MCM8: variants seen among roughly 807,000 people sequenced by gnomAD.
MCM8 encodes the protein minichromosome maintenance 8 homologous recombination repair factor, also known as DNA helicase MCM8.
A neutral mutation model predicts 98.9 loss-of-function variants in MCM8; 85 were observed. That is an observed-to-expected ratio of 0.86 (90% CI 0.72 to 1.03). The LOEUF is 1.03. Among genes scored for constraint, MCM8 ranks in the 50% least tolerant of loss-of-function variants. MCM8 has a pLI of 0.00. For missense variants in MCM8, 951 were observed against 997.8 expected, an observed-to-expected ratio of 0.95 and a Z score of 0.63; for synonymous variants, 352 against 338.6, an observed-to-expected ratio of 1.04 and a Z score of -0.44.
In MCM8 at chr20:5,993,507, A is replaced by G. The variant is rs1257966805; in HGVS notation, c.2242A>G (p.Met748Val). 3.3e-6 allele frequency: 5 copies of G among 1,523,158 alleles called. No homozygotes were observed. Among genetic ancestry groups the G allele is most frequent in the Non-Finnish European group, 4.4e-6 (5 of 1,126,858 alleles). 94.4% of individuals were successfully genotyped at this position (1,523,158 alleles called of 1,614,324 possible). ...ATTTTTTCTTCCTTTCTTTTTAAGC[A>G]TGCTAGGAACTTACTCTGATGAATT... ...EDIVEIMKYS[M>V]LGTYSDEFGN... The change falls in exon 18 of 19, where the codon ATG (methionine) becomes GTG (valine). Residue 748 changes from methionine (M) to valine (V), a missense_variant and splice_region_variant. Met to Val is a conservative substitution (Grantham distance 21). Transcript: ENST00000610722.
intron 12 of MCM8, among the ~76,000 whole-genome samples, chr20:5,977,234 A>G (rs2089530447): frequency 6.6e-6 from 1 of 152,222 alleles, no homozygotes; most frequent in East Asian, 1.9e-4. Flanking sequence ...TTGGGCACTT[A>G]TGTGCCAGGT....
rs2122859529 is a variant in MCM8 at position 5,994,848 on chromosome 20, A to G, written c.*457A>G. ...TCTTTGAGCCCAGGAGTTTGAGGTT[A>G]CAGTGAGCCACAATCACACCAATCA... On this transcript the variant is annotated 3_prime_UTR_variant, in exon 19 of 19. Coordinates refer to ENST00000610722, the MANE Select transcript of MCM8 (RefSeq NM_032485.6). 1 of 376,148 alleles carries G rather than the reference A, an allele frequency of 2.7e-6. No individual in the cohort carries two copies. The highest frequency in any genetic ancestry group is 5.3e-6 in the Non-Finnish European group (1 of 190,306). The allele number at this position is 376,148 out of a possible 1,614,324, so 23.3% of individuals were successfully genotyped here.
chr20:5,971,893 T>G (rs1359168311), intron 10 of MCM8, 114 bp from the exon 11 acceptor site: 5 of 825,168 alleles, frequency 6.1e-6, no homozygotes, highest in Non-Finnish European at 9.6e-6. Context: ...GGGATGTAAA[T>G]TTTTTACATT....
chr20:5,957,616 T>A (rs1355172505), intron 6 of MCM8, among the ~76,000 whole-genome samples: 4 of 152,234 alleles, frequency 2.6e-5, no homozygotes, highest in African/African-American at 7.2e-5. Flanking sequence ...AAGGAAATGT[T>A]CATTGGAGCA....
intron 7 of MCM8, 85 bp downstream of exon 7, chr20:5,958,811 A>G (rs2089058712): frequency 8.4e-7 from 1 of 1,192,022 alleles, no homozygotes; most frequent in Non-Finnish European, 1.2e-6. Context: ...GTGTTTCTGA[A>G]CACAGAGCTT....
At chr20:5,961,945 C>T (rs936723300) in intron 7 of MCM8, among the ~76,000 whole-genome samples, 1 of 152,064 alleles carries the variant, frequency 6.6e-6, no homozygotes, top group Non-Finnish European at 1.5e-5. Context: ...ACTCAGTGGC[C>T]GAAAATAAAG....
chr20:5,965,691 C>G (rs1249728116), intron 8 of MCM8, among the ~76,000 whole-genome samples: 1 of 152,196 alleles, frequency 6.6e-6, no homozygotes, highest in Non-Finnish European at 1.5e-5. Context: ...AATTATCCCA[C>G]ATTTTAGTGT....
rs1479180129 is a variant in MCM8 at position 5,983,235 on chromosome 20, T to C, written c.1733+70T>C. The C allele has an allele frequency of 2.3e-6, 3 of 1,292,872 alleles. No homozygotes were observed. In the Admixed American group the frequency reaches 7.8e-5, roughly 34 times the overall value. The allele number at this position is 1,292,872 out of a possible 1,614,324, so 80.1% of individuals were successfully genotyped here. A position where few individuals can be genotyped will look rare whatever the true frequency, so the allele number is the denominator to read the frequency against. On this transcript the variant is annotated intron_variant, in intron 14 of 18. Transcript: ENST00000610722. The stretch of plus-strand genomic sequence containing the variant: ...TTAATTCAATAAGAAAAAGAAATAG[T>C]TCACAGAACTACAGGGGAAAAACAT...
At chr20:5,971,980 A>G (rs772293470) in intron 10 of MCM8, 27 bp from the exon 11 acceptor site, 3 of 1,605,634 alleles carry the variant, frequency 1.9e-6, no homozygotes, top group Non-Finnish European at 2.6e-6. Flanking sequence ...ATAAATTAGA[A>G]TTTATAAGTT....
chr20:5,993,507 A>C lies in MCM8; in HGVS notation c.2242A>C (p.Met748Leu). 1 of 1,523,158 alleles carries C rather than the reference A, an allele frequency of 6.6e-7. No individual in the cohort carries two copies. The allele number at this position is 1,523,158 out of a possible 1,614,324, so 94.4% of individuals were successfully genotyped here. The change falls in exon 18 of 19, where the codon ATG (methionine) becomes CTG (leucine). Residue 748 changes from methionine (M) to leucine (L), a missense_variant and splice_region_variant. By Grantham distance (15) the Met-to-Leu change is conservative. Transcript: ENST00000610722. The part of the protein sequence containing the change: ...EDIVEIMKYS[M>L]LGTYSDEFGN... ...ATTTTTTCTTCCTTTCTTTTTAAGC[A>C]TGCTAGGAACTTACTCTGATGAATT...
At chr20:5,957,300 C>T (rs1272654752) in intron 6 of MCM8, 71 bp downstream of exon 6, 2 of 1,128,338 alleles carry the variant, frequency 1.8e-6, no homozygotes, top group African/African-American at 1.6e-5. Flanking sequence ...TGAAAACGCT[C>T]ATTTTATAAA....
At chr20:5,952,355 T>A in intron 2 of MCM8, 69 bp from the exon 3 acceptor site, 2 of 1,582,886 alleles carry the variant, frequency 1.3e-6, no homozygotes, top group Non-Finnish European at 1.7e-6. Context: ...AGAGTCTCAT[T>A]TGGAAAGAGA....
chr20:5,998,965 A>AT lies in MCM8; in HGVS notation c.*4578dup, dbSNP rs1239882098. Reference sequence around the variant, plus strand: ...TGTGTATACATAACACTGATTAAAAATTTTAAAAAAAAGGTTAAAACAAAA... The same window carrying AT: ...TGTGTATACATAACACTGATTAAAAATTTTTAAAAAAAAGGTTAAAACAAAA... On this transcript the variant is annotated 3_prime_UTR_variant, in exon 19 of 19. Coordinates refer to ENST00000610722, the MANE Select transcript of MCM8 (RefSeq NM_032485.6). 1 of 152,028 alleles carries AT rather than the reference A, an allele frequency of 6.6e-6. No homozygotes were observed. Among genetic ancestry groups the AT allele is most frequent in the Admixed American group, 6.6e-5 (1 of 15,264 alleles). 9.4% of individuals were successfully genotyped at this position (152,028 alleles called of 1,614,324 possible).
In MCM8 at chr20:5,998,694, T is replaced by C. The variant is rs953598116; in HGVS notation, c.*4303T>C. 1.3e-5 allele frequency: 2 copies of C among 152,226 alleles called. No individual in the cohort carries two copies. The highest frequency in any genetic ancestry group is 2.9e-5 in the Non-Finnish European group (2 of 68,044). 9.4% of individuals were successfully genotyped at this position (152,226 alleles called of 1,614,324 possible). On this transcript the variant is annotated 3_prime_UTR_variant, in exon 19 of 19. Coordinates refer to ENST00000610722, the MANE Select transcript of MCM8 (RefSeq NM_032485.6). ...AAATGTGGCTAGCTACAGTAGTTTG[T>C]GTTTCCTGCAACTAATCACTCATAC...
At chr20:5,966,272 G>T (rs1409287672) in intron 8 of MCM8, among the ~76,000 whole-genome samples, 1 of 151,912 alleles carries the variant, frequency 6.6e-6, no homozygotes, top group East Asian at 1.9e-4. Context: ...AGGATCTTTT[G>T]TCTTCAACTC....
chr20:5,986,167 TA>T (rs1215538756), intron 16 of MCM8, 36 bp downstream of exon 16: 1 of 1,595,270 alleles, frequency 6.3e-7, no homozygotes, highest in African/African-American at 1.3e-5. Context: ...TTTTTTGGCT[TA>T]AAGGGGAAGG....
intron 5 of MCM8, among the ~76,000 whole-genome samples, chr20:5,956,347 A>G (rs2088981345): frequency 6.6e-6 from 1 of 152,202 alleles, no homozygotes; most frequent in Non-Finnish European, 1.5e-5. Context: ...TTACAGCTGT[A>G]TATATGCATC....
chr20:5,966,685 A>G (rs1422225482), intron 8 of MCM8, among the ~76,000 whole-genome samples: 1 of 152,210 alleles, frequency 6.6e-6, no homozygotes, highest in Non-Finnish European at 1.5e-5. Flanking sequence ...CTTTACCTCT[A>G]AATACAAAGA....
At chr20:5,956,886 A>G (rs1273356278) in intron 5 of MCM8, among the ~76,000 whole-genome samples, 1 of 151,806 alleles carries the variant, frequency 6.6e-6, no homozygotes, top group Non-Finnish European at 1.5e-5. Context: ...TTTAGTTGGG[A>G]CAGAAAGTAG....
Sources: gnomAD v4.1 joint callset for allele counts (sites outside exome capture counted in the v4.1 genomes callset) on GRCh38, gnomAD v4.1.1 for gene constraint, MANE v1.5 for transcripts, NCBI Gene and HGNC (gene_info 2026-07-23, HGNC 2026-07-21) for gene names.